Variants in HIPK2 observed in about 807,000 individuals in gnomAD.
HIPK2 encodes the protein homeodomain interacting protein kinase 2, also known as homeodomain-interacting protein kinase 2.
HIPK2 carries 27 observed loss-of-function variants against 113.7 expected under a neutral mutation model. The observed-to-expected ratio is 0.24, with a 90% CI of 0.17 to 0.33. The LOEUF (loss-of-function observed/expected upper bound fraction) is 0.33. Ranked by LOEUF, HIPK2 falls within the 10% of genes least tolerant of loss-of-function variation. The pLI is 1.00. For synonymous variants in HIPK2, 631 were observed against 642.2 expected, an observed-to-expected ratio of 0.98 and a Z score of 0.26; for missense variants, 1,257 against 1,588.0, an observed-to-expected ratio of 0.79 and a Z score of 3.54.
chr7:139,691,726 C>T (rs1308314616), intron 2 of HIPK2, among the ~76,000 whole-genome samples: 2 of 152,340 alleles, frequency 1.3e-5, no homozygotes, highest in East Asian at 1.9e-4. Context: ...TTGACTCCTT[C>T]CTGGCTCTGC....
intron 1 of HIPK2, among the ~76,000 whole-genome samples, chr7:139,722,399 T>C (rs1329247633): frequency 1.3e-5 from 2 of 152,222 alleles, no homozygotes; most frequent in African/African-American, 2.4e-5. Context: ...CTAAAGGCAA[T>C]GAGGGTTCTG....
intron 1 of HIPK2, among the ~76,000 whole-genome samples, chr7:139,724,359 G>A (rs915913838): frequency 1.7e-4 from 26 of 152,002 alleles, no homozygotes; most frequent in Admixed American, 6.6e-5. Context: ...ATAATTTCAG[G>A]TTAGCCCATT....
intron 1 of HIPK2, among the ~76,000 whole-genome samples, chr7:139,774,323 G>A (rs964906744): frequency 3.3e-5 from 5 of 152,118 alleles, no homozygotes; most frequent in Admixed American, 1.3e-4. Context: ...GCCCAAAGTC[G>A]TATCACTAGA....
At chr7:139,619,206 G>C (rs1263261411) in intron 7 of HIPK2, among the ~76,000 whole-genome samples, 1 of 152,178 alleles carries the variant, frequency 6.6e-6, no homozygotes, top group African/African-American at 2.4e-5. Context: ...CTGAAAAGCA[G>C]GGGGCAGTGA....
At chr7:139,667,068 A>C (rs1479853954) in intron 2 of HIPK2, among the ~76,000 whole-genome samples, 1 of 151,962 alleles carries the variant, frequency 6.6e-6, no homozygotes, top group Non-Finnish European at 1.5e-5. Context: ...CCTTCTTAAA[A>C]AAAAAAAACA....
chr7:139,769,616 C>T (rs912380443), intron 1 of HIPK2, among the ~76,000 whole-genome samples: 5 of 152,248 alleles, frequency 3.3e-5, no homozygotes, highest in Non-Finnish European at 7.3e-5. Context: ...GTTAAGCCAA[C>T]ACCAGAGCTT....
At chr7:139,748,884 T>C (rs546607951) in intron 1 of HIPK2, among the ~76,000 whole-genome samples, 28 of 152,316 alleles carry the variant, frequency 1.8e-4, no homozygotes, top group Admixed American at 7.8e-4. Context: ...ATGAAAAGAT[T>C]TGTAAGAAAT....
chr7:139,596,501 C>T (rs771811378), intron 12 of HIPK2, among the ~76,000 whole-genome samples: 7 of 152,178 alleles, frequency 4.6e-5, no homozygotes, highest in Non-Finnish European at 1.0e-4. Flanking sequence ...TCTTTTAAGA[C>T]CAACATGATT....
intron 2 of HIPK2, among the ~76,000 whole-genome samples, chr7:139,695,760 A>G (rs1432522406): frequency 2.6e-5 from 4 of 151,954 alleles, no homozygotes; most frequent in Non-Finnish European, 5.9e-5. Flanking sequence ...ACCGAAAACT[A>G]TGGAAGAAGC....
intron 2 of HIPK2, among the ~76,000 whole-genome samples, chr7:139,703,874 C>CACA (rs1246682121): frequency 1.4e-3 from 6 of 4,236 alleles, no homozygotes; most frequent in African/African-American, 1.5e-3. Flanking sequence ...ACACCCAACA[C>CACA]CACCACACAC....
chr7:139,652,741 T>C lies in HIPK2; in HGVS notation c.1104-21016A>G, dbSNP rs369153991. On this transcript the variant is annotated intron_variant, in intron 2 of 14. Coordinates refer to ENST00000406875, the MANE Select transcript of HIPK2 (RefSeq NM_022740.5). The stretch of plus-strand genomic sequence containing the variant: ...CAGGAGAGAATTCAAGGAGGCAGAA[T>C]TTAAATAGAATCGTTAGGTACCACC... Among the ~76,000 whole-genome samples the C allele has an allele frequency of 1.2e-3, 176 of 152,268 alleles. 3 individuals carry two copies. The highest frequency in any genetic ancestry group is 4.2e-3 in the African/African-American group (173 of 41,536).
At chr7:139,729,529 G>A (rs1795706990) in intron 1 of HIPK2, among the ~76,000 whole-genome samples, 2 of 152,168 alleles carry the variant, frequency 1.3e-5, no homozygotes, top group African/African-American at 4.8e-5. Context: ...CCCTCTTCAT[G>A]CCCCTCAGCA....
intron 7 of HIPK2, among the ~76,000 whole-genome samples, chr7:139,616,379 A>G (rs1003199969): frequency 3.9e-5 from 6 of 152,028 alleles, no homozygotes; most frequent in African/African-American, 7.2e-5. Flanking sequence ...CAAAATCCCA[A>G]TTACAGCTTG....
At chr7:139,575,813 G>T (rs866255960) in intron 13 of HIPK2, among the ~76,000 whole-genome samples, 4 of 152,330 alleles carry the variant, frequency 2.6e-5, no homozygotes, top group Middle Eastern at 3.4e-3. Context: ...GTTAGCTATT[G>T]AGAGATTGGC....
At chr7:139,616,705 C>A (rs1434680669) in intron 7 of HIPK2, among the ~76,000 whole-genome samples, 1 of 152,196 alleles carries the variant, frequency 6.6e-6, no homozygotes, top group Non-Finnish European at 1.5e-5. Context: ...CCTTCTAGCC[C>A]AGCTCCTGTT....
chr7:139,750,552 A>G (rs1472799971), intron 1 of HIPK2, among the ~76,000 whole-genome samples: 1 of 152,268 alleles, frequency 6.6e-6, no homozygotes, highest in Non-Finnish European at 1.5e-5. Flanking sequence ...ATAGGCACGT[A>G]GACTGGCAGT....
At chr7:139,615,358 G>A (rs893102490) in intron 7 of HIPK2, among the ~76,000 whole-genome samples, 2 of 152,236 alleles carry the variant, frequency 1.3e-5, no homozygotes, top group Non-Finnish European at 2.9e-5. Flanking sequence ...CAGTGACAAA[G>A]CCTGGCAGAT....
chr7:139,704,655 G>A (rs1416883017), intron 2 of HIPK2, among the ~76,000 whole-genome samples: 1 of 152,124 alleles, frequency 6.6e-6, no homozygotes, highest in Non-Finnish European at 1.5e-5. Context: ...CTGTCTTCAG[G>A]GGAGTCTTAA....
At chr7:139,653,565 G>A (rs1464796) in intron 2 of HIPK2, among the ~76,000 whole-genome samples, 1 of 151,678 alleles carries the variant, frequency 6.6e-6, no homozygotes, top group Admixed American at 6.6e-5. Flanking sequence ...GTGAGCAAAG[G>A]AAATCAGCTT....
Sources: allele counts gnomAD v4.1 joint callset (sites outside exome capture counted in the v4.1 genomes callset), GRCh38; gene constraint gnomAD v4.1.1; transcripts MANE v1.5; gene names NCBI Gene and HGNC (gene_info 2026-07-23, HGNC 2026-07-21).